The following UNC13C variants were observed in gnomAD, a reference collection of about 807,000 sequenced individuals.
UNC13C encodes the protein unc-13 homolog C.
Under a neutral mutation model 245.4 loss-of-function variants are expected in UNC13C, and 174 were observed. The observed-to-expected ratio is 0.71, with a 90% CI of 0.63 to 0.80. UNC13C has a LOEUF of 0.80. Ranked by LOEUF, UNC13C falls within the 30% of genes least tolerant of loss-of-function variation. UNC13C has a pLI of 0.00. For synonymous variants in UNC13C, 992 were observed against 895.1 expected, an observed-to-expected ratio of 1.11 and a Z score of -1.93; for missense variants, 2,829 against 2,602.9, an observed-to-expected ratio of 1.09 and a Z score of -1.89.
intron 18 of UNC13C, among the ~76,000 whole-genome samples, chr15:54,409,320 A>G (rs1030111362): frequency 6.6e-6 from 1 of 151,260 alleles, no homozygotes; most frequent in African/African-American, 2.4e-5. Flanking sequence ...TATAAGCTGT[A>G]TATATTTTTC....
intron 12 of UNC13C, among the ~76,000 whole-genome samples, chr15:54,299,262 G>A (rs542357178): frequency 6.6e-6 from 1 of 152,218 alleles, no homozygotes; most frequent in East Asian, 1.9e-4. Context: ...GTTTACCCTG[G>A]CTTTATCAAA....
At chr15:53,974,899 A>G (rs535957932), upstream of UNC13C, 13 of 152,312 alleles carry the variant, frequency 8.5e-5, no homozygotes, top group African/African-American at 2.9e-4. Context: ...AAGCTTGAAC[A>G]TGGTTAGAGG....
At chr15:54,471,475 C>T (rs1453065999) in intron 19 of UNC13C, among the ~76,000 whole-genome samples, 1 of 151,286 alleles carries the variant, frequency 6.6e-6, no homozygotes, top group African/African-American at 2.4e-5. Flanking sequence ...TAGTTTTTGG[C>T]CTAAAGTCTG....
chr15:54,500,738 G>A, intron 21 of UNC13C, 97 bp from the exon 22 acceptor site: 1 of 948,298 alleles, frequency 1.1e-6, no homozygotes, highest in Non-Finnish European at 1.6e-6. Context: ...GTAAATATGT[G>A]ATACGGGAGA....
chr15:54,319,431 T>C (rs2038092374), intron 13 of UNC13C, among the ~76,000 whole-genome samples: 1 of 151,964 alleles, frequency 6.6e-6, no homozygotes, highest in South Asian at 2.1e-4. Flanking sequence ...CAGTGTATAA[T>C]AAAGTCATAA....
intron 30 of UNC13C, among the ~76,000 whole-genome samples, chr15:54,584,060 G>A (rs1018995362): frequency 3.3e-5 from 5 of 152,092 alleles, no homozygotes; most frequent in Non-Finnish European, 7.4e-5. Flanking sequence ...TTCTGTTCCT[G>A]CGTTTTGGTT....
At chr15:54,331,116 G>T (rs569815589) in intron 14 of UNC13C, among the ~76,000 whole-genome samples, 1 of 152,020 alleles carries the variant, frequency 6.6e-6, no homozygotes, top group Non-Finnish European at 1.5e-5. Flanking sequence ...AAACTACTGA[G>T]AAAAGCTTTC....
intron 2 of UNC13C, among the ~76,000 whole-genome samples, chr15:54,109,785 C>T (rs1256386999): frequency 6.6e-6 from 1 of 152,110 alleles, no homozygotes; most frequent in Non-Finnish European, 1.5e-5. Context: ...TTGTGAGTTG[C>T]TGGGGTAGGG....
intron 4 of UNC13C, among the ~76,000 whole-genome samples, chr15:54,151,420 TC>T (rs1446534739): frequency 1.3e-5 from 2 of 152,160 alleles, no homozygotes; most frequent in African/African-American, 4.8e-5. Flanking sequence ...TCCTTTTTTT[TC>T]TGAGATGGAG....
At chr15:54,024,808 T>C (rs548611744) in intron 2 of UNC13C, among the ~76,000 whole-genome samples, 4 of 151,926 alleles carry the variant, frequency 2.6e-5, no homozygotes, top group Non-Finnish European at 5.9e-5. Flanking sequence ...CCAGCTACTC[T>C]GGAGGCTGAA....
At chr15:53,866,841 A>G in the UNC13C span, among the ~76,000 whole-genome samples, 4 of 152,246 alleles carry the variant, frequency 2.6e-5, no homozygotes, top group African/African-American at 9.6e-5. Context: ...TTTCTTACAT[A>G]TGAACACAGA....
chr15:54,035,485 T>C (rs1896539845), intron 2 of UNC13C, among the ~76,000 whole-genome samples: 1 of 152,200 alleles, frequency 6.6e-6, no homozygotes, highest in South Asian at 2.1e-4. Flanking sequence ...ACAAACTTCA[T>C]AGGAACTCAT....
intron 19 of UNC13C, among the ~76,000 whole-genome samples, chr15:54,454,668 A>G (rs1043675994): frequency 9.9e-5 from 15 of 151,788 alleles, no homozygotes; most frequent in African/African-American, 3.6e-4. Flanking sequence ...TATTCTGAGT[A>G]CCTCATGTAG....
At chr15:54,363,839 A>G (rs2039293695) in intron 17 of UNC13C, among the ~76,000 whole-genome samples, 1 of 152,234 alleles carries the variant, frequency 6.6e-6, no homozygotes, top group Non-Finnish European at 1.5e-5. Flanking sequence ...AGAAAAATTA[A>G]AGTCTAATGT....
intron 16 of UNC13C, among the ~76,000 whole-genome samples, chr15:54,334,404 A>G (rs2038520163): frequency 6.6e-6 from 1 of 152,100 alleles, no homozygotes; most frequent in Admixed American, 6.6e-5. Context: ...TTCGGCAGTC[A>G]TAGTTCTGGC....
chr15:54,503,939 T>A (rs1408080049), intron 22 of UNC13C, among the ~76,000 whole-genome samples: 1 of 152,138 alleles, frequency 6.6e-6, no homozygotes, highest in African/African-American at 2.4e-5. Flanking sequence ...TGTAGAGATT[T>A]AAAAATTTTT....
intron 19 of UNC13C, among the ~76,000 whole-genome samples, chr15:54,449,178 C>T (rs1035467427): frequency 6.6e-6 from 1 of 152,126 alleles, no homozygotes; most frequent in Non-Finnish European, 1.5e-5. Context: ...TTGTGGGTAA[C>T]CCGACTTTTC....
At chr15:54,560,492 G>A (rs993758338) in intron 29 of UNC13C, among the ~76,000 whole-genome samples, 3 of 151,292 alleles carry the variant, frequency 2.0e-5, no homozygotes, top group African/African-American at 7.3e-5. Flanking sequence ...TTTATTTTCT[G>A]AAAAGTCATG....
intron 17 of UNC13C, among the ~76,000 whole-genome samples, chr15:54,345,172 G>A (rs2038832479): frequency 6.6e-6 from 1 of 152,208 alleles, no homozygotes. Context: ...TGTGAGCAAT[G>A]CTTTACCCCT....
Sources: gnomAD v4.1 joint callset for allele counts (sites outside exome capture counted in the v4.1 genomes callset) on GRCh38, gnomAD v4.1.1 for gene constraint, MANE v1.5 for transcripts, NCBI Gene and HGNC (gene_info 2026-07-23, HGNC 2026-07-21) for gene names.